Variants in ZSCAN18 observed in about 807,000 individuals in gnomAD.
The protein encoded by ZSCAN18 is zinc finger and SCAN domain-containing protein 18.
A neutral mutation model predicts 31.1 loss-of-function variants in ZSCAN18; 16 were observed. That is an observed-to-expected ratio of 0.51 (90% CI 0.35 to 0.78). The LOEUF is 0.78. Ranked by LOEUF, ZSCAN18 falls within the 30% of genes least tolerant of loss-of-function variation. The pLI is 0.01. For missense variants in ZSCAN18, 731 were observed against 697.4 expected, an observed-to-expected ratio of 1.05 and a Z score of -0.54; for synonymous variants, 375 against 320.7, an observed-to-expected ratio of 1.17 and a Z score of -1.81.
intron 1 of ZSCAN18, among the ~76,000 whole-genome samples, chr19:58,111,344 C>T (rs1343395751): frequency 2.6e-5 from 4 of 151,822 alleles, no homozygotes; most frequent in Non-Finnish European, 5.9e-5. Flanking sequence ...AAAACTGAAC[C>T]CCCCGAAAAA....
At chr19:58,115,094 C>A (rs2074719465) in intron 1 of ZSCAN18, among the ~76,000 whole-genome samples, 1 of 152,202 alleles carries the variant, frequency 6.6e-6, no homozygotes, top group South Asian at 2.1e-4. Context: ...AAGTGTCAGC[C>A]ACTAAGAACT....
At position 58,084,857 on chromosome 19, in the gene ZSCAN18, A is replaced by G; in HGVS notation, c.1361T>C (p.Leu454Pro). ...QGCWKTFHFSLALAEHQKTHE... is the reference protein window; with the variant it reads ...QGCWKTFHFSPALAEHQKTHE... ...GGTCTTCTGGTGCTCGGCTAGGGCC[A>G]GGCTGAAGTGGAAGGTCTTCCAGCA... The change falls in exon 7 of 7, where the codon CTG becomes CCG. Residue 454 changes from leucine to proline, a missense_variant. By Grantham distance (98) the Leu-to-Pro change is moderately conservative (BLOSUM62 -3). Transcript: ENST00000601144. The surrounding 1 kb of genome is among the most constrained non-coding windows in gnomAD (Gnocchi z 4.5). 1 of 1,600,644 alleles carries G rather than the reference A, an allele frequency of 6.2e-7. No individual in the cohort carries two copies. The highest frequency in any genetic ancestry group is 8.5e-7 in the Non-Finnish European group (1 of 1,175,252).
chr19:58,089,811 C>A, intron 2 of ZSCAN18, 54 bp downstream of exon 2: 1 of 1,539,128 alleles, frequency 6.5e-7, no homozygotes, highest in African/African-American at 1.4e-5. Context: ...TGGGGCCTTC[C>A]AGGATCCCCT....
rs1294908679 is a variant in ZSCAN18 at position 58,085,027 on chromosome 19, C to T, written c.1191G>A (p.Gly397=). ...SSGDSAGLEA[G]QGPGADEPGL... Reference sequence around the variant, plus strand: ...CCGGCTCGTCAGCCCCAGGGCCCTGCCCGGCCTCCAGCCCTGCGCTGTCGC... The same window carrying T: ...CCGGCTCGTCAGCCCCAGGGCCCTGTCCGGCCTCCAGCCCTGCGCTGTCGC... Residue 397 remains glycine (G), a synonymous_variant, in exon 7 of 7, where the codon GGG becomes GGA. Transcript: ENST00000601144. 6.3e-7 allele frequency: 1 copy of T among 1,589,646 alleles called. No individual in the cohort carries two copies.
intron 1 of ZSCAN18, among the ~76,000 whole-genome samples, chr19:58,091,115 C>A (rs1485411855): frequency 6.6e-6 from 1 of 151,272 alleles, no homozygotes; most frequent in Non-Finnish European, 1.5e-5. Flanking sequence ...ACTAAAAATA[C>A]AAAACTAGCT....
At chr19:58,092,788 T>A (rs1050451129) in intron 1 of ZSCAN18, 1 of 904,202 alleles carries the variant, frequency 1.1e-6, no homozygotes, top group East Asian at 1.2e-4. Flanking sequence ...TTTTTTTTTT[T>A]TTAAACACAG....
rs1219884027 is a variant in ZSCAN18 at position 58,116,313 on chromosome 19, CA to C, written c.130+1953del. Among the ~76,000 whole-genome samples, 5 of 150,474 alleles carry C rather than the reference CA, an allele frequency of 3.3e-5. No individual in the cohort carries two copies. The East Asian group carries it at 9.8e-4, about 29-fold the overall frequency. On this transcript the variant is annotated intron_variant, in intron 1 of 1. Transcript: ENST00000595721. ...GAAAAGGGCCAGCTTCCTGTGGTCA[CA>C]AGGATGGCTCTTTTTCTTTCATTCT...
In ZSCAN18 at chr19:58,090,247, C is replaced by A; in HGVS notation, c.21G>T (p.Ala7=). The part of the protein sequence containing the change: MLPLEK[A]FASPRSSPAP... ...CTGGGGAGCTCCTGGGGGAGGCAAA[C>A]GCCTTCTCCAAAGGCAACATCTTTC... The change falls in exon 2 of 7, where the codon GCG becomes GCT. Residue 7 remains alanine (A), a synonymous_variant. Coordinates refer to ENST00000601144, the MANE Select transcript of ZSCAN18 (RefSeq NM_001145543.2). This position sits in a 1 kb window ranked among gnomAD's most constrained non-coding sequence, Gnocchi z 4.7. 1 of 1,613,476 alleles carries A rather than the reference C, an allele frequency of 6.2e-7. No homozygotes were observed. Among genetic ancestry groups the A allele is most frequent in the African/African-American group, 1.3e-5 (1 of 75,040 alleles).
intron 6 of ZSCAN18, 141 bp downstream of exon 6, chr19:58,086,033 T>C (rs769472013): frequency 8.8e-6 from 6 of 678,946 alleles, no homozygotes; most frequent in Non-Finnish European, 1.6e-5. Flanking sequence ...CCTGCCTCAC[T>C]CAGACACGGT....
Position 58,089,302 on chromosome 19 carries a change from C to CAAAA in ZSCAN18, c.404-469_404-466dup, listed in dbSNP as rs374086957. Among the ~76,000 whole-genome samples the CAAAA allele has an allele frequency of 8.8e-5, 4 of 45,292 alleles. 1 individual carries two copies. The highest frequency in any genetic ancestry group is 1.7e-4 in the African/African-American group (2 of 11,634). 29.7% of individuals were successfully genotyped at this position (45,292 alleles called of 152,430 possible). On this transcript the variant is annotated intron_variant, in intron 2 of 6. Coordinates refer to ENST00000601144, the MANE Select transcript of ZSCAN18 (RefSeq NM_001145543.2). ...TGGGCGACAGAGCGAGACTCCGTCTCAAAAAAAAAAAAAAAAAAAAAAAAA... is the reference window on the plus strand; with the variant it reads ...TGGGCGACAGAGCGAGACTCCGTCTCAAAAAAAAAAAAAAAAAAAAAAAAAAAAA...
intron 1 of ZSCAN18, among the ~76,000 whole-genome samples, chr19:58,117,195 A>G (rs1334368971): frequency 5.9e-5 from 9 of 152,208 alleles, no homozygotes; most frequent in Admixed American, 5.9e-4. Context: ...AGAAATATCC[A>G]GGTGGACAAA....
rs182844469 is a variant in ZSCAN18 at position 58,118,329 on chromosome 19, G to T, written c.68C>A (p.Ala23Glu). 1.5e-3 allele frequency: 2,274 copies of T among 1,531,026 alleles called. 33 individuals carry two copies. The African/African-American group carries it at 0.027, about 18-fold the overall frequency. The allele number at this position is 1,531,026 out of a possible 1,614,324, so 94.8% of individuals were successfully genotyped here. A position where few individuals can be genotyped will look rare whatever the true frequency, so the allele number is the denominator to read the frequency against. Residue 23 changes from alanine (A) to glutamate (E), a missense_variant, in exon 1 of 2, where the codon GCG (alanine) becomes GAG (glutamate). By Grantham distance (107) the Ala-to-Glu change is moderately radical (BLOSUM62 -1). Coordinates refer to the ZSCAN18 transcript ENST00000595721. ...ACGGAGGAAACAGACCCGAGAGGCC[G>T]CGAGAGGACGGAACTCACTTCCCGC... is the stretch of plus-strand genomic sequence containing the variant.
upstream of ZSCAN18, among the ~76,000 whole-genome samples, chr19:58,099,228 C>T (rs975937397): frequency 2.0e-5 from 3 of 152,138 alleles, no homozygotes; most frequent in African/African-American, 7.2e-5. Flanking sequence ...AGCTCCACTG[C>T]CCAAAAATCC....
In ZSCAN18 at chr19:58,084,662, C is replaced by G. The variant is rs1167367463; in HGVS notation, c.*23G>C. ...ATTCACGGCCGGCAAAGCGGCCCCT[C>G]CGGAACGGGACAGCACAGCGGCTCA... On this transcript the variant is annotated 3_prime_UTR_variant, in exon 7 of 7. Coordinates refer to ENST00000601144, the MANE Select transcript of ZSCAN18 (RefSeq NM_001145543.2). This position sits in a 1 kb window ranked among gnomAD's most constrained non-coding sequence, Gnocchi z 4.5. The G allele has an allele frequency of 1.4e-6, 2 of 1,455,534 alleles. No homozygotes were observed. Among genetic ancestry groups the G allele is most frequent in the Non-Finnish European group, 1.8e-6 (2 of 1,111,460 alleles). 90.2% of individuals were successfully genotyped at this position (1,455,534 alleles called of 1,614,324 possible).
In ZSCAN18 at chr19:58,087,063, C is replaced by T. The variant is rs2074295984; in HGVS notation, c.643-55G>A. 62 of 1,437,256 alleles carry T rather than the reference C, an allele frequency of 4.3e-5. No individual in the cohort carries two copies. In the Middle Eastern group the frequency reaches 5.4e-4, roughly 12 times the overall value. The allele number at this position is 1,437,256 out of a possible 1,614,324, so 89.0% of individuals were successfully genotyped here. On this transcript the variant is annotated intron_variant, in intron 4 of 6. Transcript: ENST00000601144. Reference sequence around the variant, plus strand: ...CACCTGCCCTAGAGAAGGGAGGACCCGCCGCAGCCCCACAGCCACAGGAGC... The same window carrying T: ...CACCTGCCCTAGAGAAGGGAGGACCTGCCGCAGCCCCACAGCCACAGGAGC...
intron 1 of ZSCAN18, among the ~76,000 whole-genome samples, chr19:58,091,952 G>A (rs569734286): frequency 7.9e-5 from 12 of 152,202 alleles, no homozygotes; most frequent in African/African-American, 1.7e-4. Context: ...TTCTCAGGTC[G>A]TCAAGTTCTG....
intron 1 of ZSCAN18, chr19:58,108,823 C>A: frequency 1.0e-6 from 1 of 957,282 alleles, no homozygotes; most frequent in Non-Finnish European, 1.2e-6. Flanking sequence ...AAGGAGTTAC[C>A]ACCTTCGTTA....
rs910560026 is a variant in ZSCAN18 at position 58,108,738 on chromosome 19, C to G, written c.130+9529G>C. ...GACATGTGTCCCTATCAAACACCTC[C>G]TCGTGTCCTTCTCCTTTGTGTTGTT... is the stretch of plus-strand genomic sequence containing the variant. On this transcript the variant is annotated intron_variant, in intron 1 of 1. Transcript: ENST00000595721. The G allele has an allele frequency of 3.0e-6, 3 of 985,444 alleles. No individual in the cohort carries two copies. The South Asian group carries it at 1.4e-4, about 46-fold the overall frequency. The allele number at this position is 985,444 out of a possible 1,614,324, so 61.0% of individuals were successfully genotyped here.
At chr19:58,085,880 GCA>G in intron 6 of ZSCAN18, 1 of 390,998 alleles carries the variant, frequency 2.6e-6, no homozygotes, top group Non-Finnish European at 4.6e-6. Flanking sequence ...TGGTGTGCTG[GCA>G]CAGAGCCTCC....
Sources: gnomAD v4.1 joint callset for allele counts (sites outside exome capture counted in the v4.1 genomes callset) on GRCh38, gnomAD v4.1.1 for gene constraint, Gnocchi (gnomAD v3.1) non-coding constraint, MANE v1.5 for transcripts, NCBI Gene and HGNC (gene_info 2026-07-23, HGNC 2026-07-21) for gene names.